HSD17B12: variants seen among roughly 807,000 people sequenced by gnomAD.
The protein encoded by HSD17B12 is hydroxysteroid 17-beta dehydrogenase 12, also known as very-long-chain 3-oxoacyl-CoA reductase.
In HSD17B12, 32 loss-of-function variants were observed where a neutral mutation model predicts 39.3. The observed-to-expected ratio is 0.81, with a 90% CI of 0.61 to 1.09. The LOEUF is 1.09. Ranked by LOEUF, HSD17B12 falls within the 50% of genes least tolerant of loss-of-function variation. The pLI is 0.00. For synonymous variants in HSD17B12, 150 were observed against 146.7 expected (o/e 1.02, Z -0.16); for missense variants, 342 against 382.9 (o/e 0.89, Z 0.89).
intron 5 of HSD17B12, among the ~76,000 whole-genome samples, chr11:43,815,939 G>T (rs1281491196): frequency 6.6e-6 from 1 of 152,140 alleles, no homozygotes; most frequent in Admixed American, 6.6e-5. Flanking sequence ...CTTGATGCAT[G>T]CATAATCCTT....
chr11:43,602,285 C>T, the HSD17B12 span, among the ~76,000 whole-genome samples: 5 of 152,166 alleles, frequency 3.3e-5, no homozygotes, highest in African/African-American at 1.2e-4. Flanking sequence ...AGTTTCTACC[C>T]CACCCCACGT....
the HSD17B12 span, among the ~76,000 whole-genome samples, chr11:43,635,633 A>G: frequency 6.6e-6 from 1 of 152,236 alleles, no homozygotes; most frequent in Non-Finnish European, 1.5e-5. Context: ...CCTTGGACTC[A>G]TGCATGGGAA....
intron 1 of HSD17B12, among the ~76,000 whole-genome samples, chr11:43,708,561 A>T (rs1485643208): frequency 6.6e-6 from 1 of 152,246 alleles, no homozygotes; most frequent in Admixed American, 6.5e-5. Context: ...TATAAATTTT[A>T]TCATTGCAAA....
Position 43,757,639 on chromosome 11 carries a change from C to CAAAAAAA in HSD17B12, c.283+3540_283+3546dup, listed in dbSNP as rs60598991. Reference sequence around the variant, plus strand: ...TGGGCGACAGAGCGAGACTCCGTCTCAAAAAAAAAAAAAAAAAAAAAAAAA... The same window carrying CAAAAAAA: ...TGGGCGACAGAGCGAGACTCCGTCTCAAAAAAAAAAAAAAAAAAAAAAAAAAAAAAAA... On this transcript the variant is annotated intron_variant, in intron 3 of 10. Transcript: ENST00000278353. Among the ~76,000 whole-genome samples, 29 of 7,196 alleles carry CAAAAAAA rather than the reference C, an allele frequency of 4.0e-3. 8 individuals are homozygous for CAAAAAAA. The highest frequency in any genetic ancestry group is 7.4e-3 in the Admixed American group (3 of 406). The allele number at this position is 7,196 out of a possible 152,430, so 4.7% of individuals were successfully genotyped here.
At chr11:43,690,386 A>T (rs1430756196) in intron 1 of HSD17B12, among the ~76,000 whole-genome samples, 255 of 10,294 alleles carry the variant, frequency 0.025, 22 homozygotes, top group South Asian at 0.056. Context: ...ATATATATAT[A>T]TATATATATA....
Position 43,831,125 on chromosome 11 carries a change from C to A in HSD17B12, c.536+115C>A. 1.1e-6 allele frequency: 1 copy of A among 932,942 alleles called. No individual in the cohort carries two copies. The highest frequency in any genetic ancestry group is 1.6e-6 in the Non-Finnish European group (1 of 614,454). 57.8% of individuals were successfully genotyped at this position (932,942 alleles called of 1,614,324 possible). A position where few individuals can be genotyped will look rare whatever the true frequency, so the allele number is the denominator to read the frequency against. ...TGACTAATGAACCAAGCCTCCATGT[C>A]TTAGCCACAGAGTGATGTACCAGGC... On this transcript the variant is annotated intron_variant, in intron 7 of 10. Transcript: ENST00000278353. The surrounding 1 kb of genome is among the most constrained non-coding windows in gnomAD (Gnocchi z 4.1).
the HSD17B12 span, among the ~76,000 whole-genome samples, chr11:43,649,881 C>A: frequency 7.2e-5 from 11 of 152,254 alleles, no homozygotes; most frequent in African/African-American, 2.6e-4. Context: ...TCGTGAGAAA[C>A]CCAAAGGCAA....
chr11:43,577,380 G>C, the HSD17B12 span, among the ~76,000 whole-genome samples: 2 of 152,170 alleles, frequency 1.3e-5, no homozygotes, highest in East Asian at 1.9e-4. Context: ...ATTTAAAGGA[G>C]GGGGAGCGAA....
chr11:43,698,733 C>A (rs888957285), intron 1 of HSD17B12, among the ~76,000 whole-genome samples: 6 of 152,174 alleles, frequency 3.9e-5, no homozygotes, highest in African/African-American at 1.4e-4. Context: ...AAGCATTATG[C>A]ACATACAAGG....
the HSD17B12 span, among the ~76,000 whole-genome samples, chr11:43,597,217 T>A: frequency 4.6e-5 from 7 of 152,202 alleles, no homozygotes; most frequent in Non-Finnish European, 7.3e-5. Flanking sequence ...CAGGAGCATG[T>A]GAACCATGCC....
At chr11:43,758,459 T>G (rs529227763) in intron 3 of HSD17B12, among the ~76,000 whole-genome samples, 14 of 152,274 alleles carry the variant, frequency 9.2e-5, no homozygotes, top group Non-Finnish European at 1.6e-4. Context: ...AATCTCAGGG[T>G]CACACTTTTT....
At chr11:43,786,091 A>G (rs1451097814) in intron 3 of HSD17B12, among the ~76,000 whole-genome samples, 1 of 152,178 alleles carries the variant, frequency 6.6e-6, no homozygotes, top group Non-Finnish European at 1.5e-5. Context: ...AACCTCATTC[A>G]TTTTTGATAA....
chr11:43,706,689 G>GGTGTGTGTGTGTGTGTGTGTGTGT (rs147962977), intron 1 of HSD17B12, among the ~76,000 whole-genome samples: 49 of 137,904 alleles, frequency 3.6e-4, no homozygotes, highest in Non-Finnish European at 5.0e-4. Context: ...TGAATGAAGG[G>GGTGTGTGTGTGTGTGTGTGTGTGT]GTGTGTGTGT....
At chr11:43,680,677 C>A, upstream of HSD17B12, 1 of 711,580 alleles carries the variant, frequency 1.4e-6, no homozygotes, top group South Asian at 1.6e-5. Context: ...AATAGCGACA[C>A]GGATATGGCC....
the HSD17B12 span, among the ~76,000 whole-genome samples, chr11:43,597,524 G>A: frequency 1.3e-5 from 2 of 152,194 alleles, no homozygotes; most frequent in African/African-American, 4.8e-5. Context: ...TTGCTCTCTG[G>A]TGATAATATT....
the HSD17B12 span, among the ~76,000 whole-genome samples, chr11:43,669,236 C>T: frequency 2.0e-5 from 3 of 152,068 alleles, no homozygotes. Flanking sequence ...CAAGGTGGCT[C>T]ACGTCTGTAA....
chr11:43,563,479 TGTGGAA>T, the HSD17B12 span, among the ~76,000 whole-genome samples: 6 of 152,188 alleles, frequency 3.9e-5, no homozygotes, highest in African/African-American at 1.4e-4. Flanking sequence ...TGTTAATTGG[TGTGGAA>T]GTACCAGTCG....
rs908517665 is a variant in HSD17B12 at position 43,856,018 on chromosome 11, G to A, written c.*770G>A. 1 of 152,450 alleles carries A rather than the reference G, an allele frequency of 6.6e-6. No homozygotes were observed. The highest frequency in any genetic ancestry group is 2.4e-5 in the African/African-American group (1 of 41,374). The allele number at this position is 152,450 out of a possible 1,614,324, so 9.4% of individuals were successfully genotyped here. A position where few individuals can be genotyped will look rare whatever the true frequency, so the allele number is the denominator to read the frequency against. On this transcript the variant is annotated 3_prime_UTR_variant, in exon 11 of 11. Transcript: ENST00000278353. ...AAACCCTGACCCAGAAAAGTGGCTT[G>A]CTTGGACACCCAGCTGCCTTTGTTT...
chr11:43,855,194 G>A lies in HSD17B12; in HGVS notation c.885G>A (p.Met295Ile), dbSNP rs1481971263. 1 of 1,611,962 alleles carries A rather than the reference G, an allele frequency of 6.2e-7. No homozygotes were observed. The highest frequency in any genetic ancestry group is 8.5e-7 in the Non-Finnish European group (1 of 1,179,220). The part of the protein sequence containing the change: ...LPSWIYLKIV[M>I]NMNKSTRAHY... ...CTTGGATTTATTTGAAAATAGTCAT[G>A]AATATGAACAAGTCTACACGGGCTC... The change falls in exon 11 of 11, where the codon ATG becomes ATA. Residue 295 changes from methionine (M) to isoleucine (I), a missense_variant. Physicochemically the swap from Met to Ile is conservative, Grantham distance 10. Transcript: ENST00000278353.
Sources: allele counts gnomAD v4.1 joint callset (sites outside exome capture counted in the v4.1 genomes callset), GRCh38; gene constraint gnomAD v4.1.1; non-coding constraint Gnocchi (gnomAD v3.1); transcripts MANE v1.5; gene names NCBI Gene and HGNC (gene_info 2026-07-23, HGNC 2026-07-21).